The following RBM47 variants were observed in gnomAD, a reference collection of about 807,000 sequenced individuals.
RBM47 encodes the protein RNA-binding protein 47.
Under a neutral mutation model 47.1 loss-of-function variants are expected in RBM47, and 21 were observed. The ratio of observed to expected loss-of-function variants is 0.45; its 90% CI spans 0.32 to 0.64. RBM47 has a LOEUF of 0.64. Ranked by LOEUF, RBM47 falls within the 30% of genes least tolerant of loss-of-function variation. The pLI, the probability that RBM47 is intolerant of heterozygous loss-of-function variation, is 0.05. For missense variants in RBM47, 708 were observed against 870.9 expected (o/e 0.81, Z 2.35); for synonymous variants, 375 against 361.7 (o/e 1.04, Z -0.42).
At chr4:40,510,556 T>C (rs1724790688) in intron 2 of RBM47, among the ~76,000 whole-genome samples, 1 of 152,142 alleles carries the variant, frequency 6.6e-6, no homozygotes, top group Non-Finnish European at 1.5e-5. Flanking sequence ...AGGACCTCCT[T>C]TAGGGGACCT....
chr4:40,431,459 C>G (rs545463812), intron 6 of RBM47, among the ~76,000 whole-genome samples: 1 of 152,072 alleles, frequency 6.6e-6, no homozygotes, highest in Admixed American at 6.6e-5. Context: ...GAGATTGAGA[C>G]TATCCTGGCT....
intron 1 of RBM47, among the ~76,000 whole-genome samples, chr4:40,552,169 C>G (rs1729625726): frequency 1.3e-5 from 2 of 151,852 alleles, no homozygotes; most frequent in Non-Finnish European, 2.9e-5. Context: ...GAGGCTGAGG[C>G]AGGTGGATCA....
At chr4:40,610,313 G>A (rs897741970) in intron 1 of RBM47, among the ~76,000 whole-genome samples, 2 of 151,658 alleles carry the variant, frequency 1.3e-5, no homozygotes, top group African/African-American at 2.4e-5. Flanking sequence ...GTTCATCTTC[G>A]TAAAGTGTTT....
intron 1 of RBM47, among the ~76,000 whole-genome samples, chr4:40,587,185 T>C (rs1733675107): frequency 2.0e-5 from 3 of 152,038 alleles, no homozygotes; most frequent in African/African-American, 4.8e-5. Flanking sequence ...GATTCAGGCA[T>C]CTAGAGACAA....
Position 40,438,607 on chromosome 4 carries a change from C to G in RBM47, c.287G>C (p.Arg96Pro). ...CATCATGAGGCGCAGCTCGTAGATG[C>G]GGCCCACGGCCTCGAACACGGGCAC... is the stretch of plus-strand genomic sequence containing the variant. ...ELVPVFEAVG[R>P]IYELRLMMDF... Residue 96 changes from arginine (R) to proline (P), a missense_variant, in exon 4 of 7, where the codon CGC becomes CCC. By Grantham distance (103) the Arg-to-Pro change is moderately radical. Coordinates refer to ENST00000295971, the MANE Select transcript of RBM47 (RefSeq NM_001098634.2). The G allele has an allele frequency of 6.2e-7, 1 of 1,613,764 alleles. No homozygotes were observed. Among genetic ancestry groups the G allele is most frequent in the Non-Finnish European group, 8.5e-7 (1 of 1,179,852 alleles).
chr4:40,552,180 C>T (rs1422657152), intron 1 of RBM47, among the ~76,000 whole-genome samples: 4 of 151,742 alleles, frequency 2.6e-5, no homozygotes, highest in Admixed American at 6.6e-5. Context: ...AGGTGGATCA[C>T]GAGGTCAGGA....
At chr4:40,517,933 G>A (rs1388643767) in intron 2 of RBM47, among the ~76,000 whole-genome samples, 2 of 151,998 alleles carry the variant, frequency 1.3e-5, no homozygotes, top group East Asian at 1.9e-4. Context: ...TAGAGGACTC[G>A]AGCATCCAAA....
intron 1 of RBM47, among the ~76,000 whole-genome samples, chr4:40,574,597 C>A (rs1467358511): frequency 6.6e-6 from 1 of 152,194 alleles, no homozygotes; most frequent in Non-Finnish European, 1.5e-5. Flanking sequence ...CGCCTGTAAT[C>A]CCAGCACTTT....
At position 40,437,088 on chromosome 4, in the gene RBM47, AAAAT is replaced by A. The variant is rs1229391953; in HGVS notation, c.1124-445_1124-442del. ...GACCCTGTCTCAAAAAAAAAAAAAAAAAATATATATATATATATATATAAAATAC... is the reference window on the plus strand; with the variant it reads ...GACCCTGTCTCAAAAAAAAAAAAAAAATATATATATATATATATAAAATAC... On this transcript the variant is annotated intron_variant, in intron 4 of 6. Transcript: ENST00000295971. Among the ~76,000 whole-genome samples the A allele has an allele frequency of 2.0e-4, 11 of 54,012 alleles. 1 individual carries two copies. Among genetic ancestry groups the A allele is most frequent in the South Asian group, 1.2e-3 (2 of 1,700 alleles). 35.4% of individuals were successfully genotyped at this position (54,012 alleles called of 152,430 possible). A position where few individuals can be genotyped will look rare whatever the true frequency, so the allele number is the denominator to read the frequency against.
At chr4:40,444,546 C>A (rs1188739736) in intron 3 of RBM47, among the ~76,000 whole-genome samples, 3 of 152,124 alleles carry the variant, frequency 2.0e-5, no homozygotes, top group African/African-American at 7.2e-5. Context: ...GCTCTGTTGA[C>A]CCCTGGTCTA....
intron 2 of RBM47, among the ~76,000 whole-genome samples, chr4:40,483,325 C>G (rs1720665187): frequency 6.6e-6 from 1 of 152,170 alleles, no homozygotes; most frequent in Non-Finnish European, 1.5e-5. Context: ...TGGCTTTGTT[C>G]TAGACCCCGA....
At chr4:40,439,851 C>T (rs1713351916) in intron 3 of RBM47, among the ~76,000 whole-genome samples, 1 of 152,154 alleles carries the variant, frequency 6.6e-6, no homozygotes, top group Non-Finnish European at 1.5e-5. Flanking sequence ...TCCAGATTCC[C>T]TGTTTTTTCT....
chr4:40,445,556 C>A (rs1714418841), intron 3 of RBM47, among the ~76,000 whole-genome samples: 1 of 152,214 alleles, frequency 6.6e-6, no homozygotes, highest in Non-Finnish European at 1.5e-5. Flanking sequence ...GGACCTCGTC[C>A]TTGTGGAGCT....
intron 2 of RBM47, among the ~76,000 whole-genome samples, chr4:40,489,111 T>C (rs976071419): frequency 1.3e-5 from 2 of 152,184 alleles, no homozygotes; most frequent in South Asian, 4.1e-4. Context: ...ATGTATTCAG[T>C]TGCCCTGTAA....
At chr4:40,572,488 G>C (rs983430500) in intron 1 of RBM47, among the ~76,000 whole-genome samples, 5 of 152,014 alleles carry the variant, frequency 3.3e-5, no homozygotes, top group Non-Finnish European at 5.9e-5. Context: ...AAAAGGAGAG[G>C]AATAGAAGCT....
Position 40,437,090 on chromosome 4 carries a change from A to AAAAATATATATAT in RBM47, c.1124-444_1124-443insATATATATATTTT, listed in dbSNP as rs1256296949. On this transcript the variant is annotated intron_variant, in intron 4 of 6. Transcript: ENST00000295971. ...CCCTGTCTCAAAAAAAAAAAAAAAA[A>AAAAATATATATAT]ATATATATATATATATATATAAAAT... 8.0e-5 allele frequency among the ~76,000 whole-genome samples: 4 copies of AAAAATATATATAT among 49,802 alleles called. 1 individual carries two copies. The highest frequency in any genetic ancestry group is 3.3e-4 in the African/African-American group (3 of 9,166). 32.7% of individuals were successfully genotyped at this position (49,802 alleles called of 152,430 possible).
At chr4:40,436,745 T>A in intron 4 of RBM47, 98 bp from the exon 5 acceptor site, 2 of 1,130,616 alleles carry the variant, frequency 1.8e-6, no homozygotes, top group Non-Finnish European at 2.7e-6. Context: ...GCCCCAGTCT[T>A]AATTGCAGGT....
intron 2 of RBM47, among the ~76,000 whole-genome samples, chr4:40,517,533 A>T (rs936801124): frequency 6.6e-6 from 1 of 152,162 alleles, no homozygotes; most frequent in African/African-American, 2.4e-5. Flanking sequence ...AATTTTGATA[A>T]AAAAAAGTTT....
intron 2 of RBM47, among the ~76,000 whole-genome samples, chr4:40,484,193 C>A (rs1720789456): frequency 6.6e-6 from 1 of 152,100 alleles, no homozygotes; most frequent in African/African-American, 2.4e-5. Flanking sequence ...AAAATATTGA[C>A]AGTGGTCGTC....
Sources: allele counts gnomAD v4.1 joint callset (sites outside exome capture counted in the v4.1 genomes callset), GRCh38; gene constraint gnomAD v4.1.1; transcripts MANE v1.5; gene names NCBI Gene and HGNC (gene_info 2026-07-23, HGNC 2026-07-21).